The following CFAP92 variants were observed in gnomAD, a reference collection of about 807,000 sequenced individuals.
The protein encoded by CFAP92 is cilia and flagella associated protein 92 (putative).
In CFAP92, 86 loss-of-function variants were observed where a neutral mutation model predicts 106.3. That is an observed-to-expected ratio of 0.81 (90% CI 0.68 to 0.97). The LOEUF is 0.97. Among genes scored for constraint, CFAP92 ranks in the 50% least tolerant of loss-of-function variants. The pLI, the probability that CFAP92 is intolerant of heterozygous loss-of-function variation, is 0.00. For synonymous variants in CFAP92, 477 were observed against 506.4 expected, an observed-to-expected ratio of 0.94 and a Z score of 0.78; for missense variants, 1,204 against 1,283.8, an observed-to-expected ratio of 0.94 and a Z score of 0.95.
intron 9 of CFAP92, among the ~76,000 whole-genome samples, chr3:128,948,693 C>A (rs1429845624): frequency 6.6e-6 from 1 of 151,138 alleles, no homozygotes. Context: ...CCAGGCCTGG[C>A]TAATTTTTGT....
At position 128,978,039 on chromosome 3, in the gene CFAP92, G is replaced by A. The variant is rs762963430; in HGVS notation, c.808+6C>T. Reference sequence around the variant, plus strand: ...CAGCTTGTCCACAAAGGCCTTCTCCGCTCACCTTGCAAAGACTTTGGGTGT... The same window carrying A: ...CAGCTTGTCCACAAAGGCCTTCTCCACTCACCTTGCAAAGACTTTGGGTGT... On this transcript the variant is annotated splice_donor_region_variant and intron_variant, in intron 5 of 15. Transcript: ENST00000645291. The A allele has an allele frequency of 6.4e-5, 103 of 1,613,640 alleles. No individual in the cohort carries two copies. In the Middle Eastern group the frequency reaches 6.6e-4, roughly 10 times the overall value.
intron 1 of CFAP92, among the ~76,000 whole-genome samples, chr3:129,001,395 C>G (rs1309009435): frequency 1.3e-5 from 2 of 152,238 alleles, no homozygotes; most frequent in Non-Finnish European, 2.9e-5. Context: ...ACTGGTGGCG[C>G]TGCCGGGGTC....
At chr3:128,939,207 C>T (rs1357167276) in intron 10 of CFAP92, among the ~76,000 whole-genome samples, 4 of 152,214 alleles carry the variant, frequency 2.6e-5, no homozygotes, top group South Asian at 2.1e-4. Flanking sequence ...GGCGCGATCT[C>T]GGCTCACTAC....
intron 15 of CFAP92, 27 bp downstream of exon 15, chr3:128,915,092 C>G: frequency 6.5e-7 from 1 of 1,531,284 alleles, no homozygotes; most frequent in Non-Finnish European, 8.7e-7. Context: ...ATCAGGAGGC[C>G]CAGCTTGGCA....
chr3:129,013,389 A>C, the CFAP92 span, among the ~76,000 whole-genome samples: 4 of 152,212 alleles, frequency 2.6e-5, no homozygotes, highest in African/African-American at 7.2e-5. Context: ...TTATTTATCA[A>C]CTAAAAATCT....
At chr3:128,973,312 G>A (rs111865398) in intron 7 of CFAP92, among the ~76,000 whole-genome samples, 29 of 152,240 alleles carry the variant, frequency 1.9e-4, no homozygotes, top group African/African-American at 7.0e-4. Context: ...AACCATGCCC[G>A]TGCAGACCGG....
Position 128,978,060 on chromosome 3 carries a change from G to C in CFAP92, c.793C>G (p.Pro265Ala). The change falls in exon 5 of 16, where the codon CCA (proline) becomes GCA (alanine). Residue 265 changes from proline to alanine, a missense_variant. Coordinates refer to ENST00000645291, the MANE Select transcript of CFAP92 (RefSeq NM_001394090.1). ...CTCCGCTCACCTTGCAAAGACTTTGGGTGTTTTTCTGTTTTTTCTTGTTTT... is the reference window on the plus strand; with the variant it reads ...CTCCGCTCACCTTGCAAAGACTTTGCGTGTTTTTCTGTTTTTTCTTGTTTT... ...PGKQEKTEKH[P>A]KSLQGSHQAE... 6.2e-7 allele frequency: 1 copy of C among 1,613,884 alleles called. No homozygotes were observed.
chr3:129,012,463 T>G, the CFAP92 span, among the ~76,000 whole-genome samples: 1 of 152,110 alleles, frequency 6.6e-6, no homozygotes. Context: ...CTGCTCCACA[T>G]AGCTGGGAAC....
intron 2 of CFAP92, among the ~76,000 whole-genome samples, chr3:128,989,565 C>G (rs1468628524): frequency 6.6e-6 from 1 of 152,138 alleles, no homozygotes; most frequent in African/African-American, 2.4e-5. Context: ...GGGCTTCTGC[C>G]AGAGTCCAGA....
At chr3:128,992,914 G>GC (rs1944304067) in intron 2 of CFAP92, 129 bp downstream of exon 2, 8 of 1,077,208 alleles carry the variant, frequency 7.4e-6, no homozygotes, top group Admixed American at 4.2e-5. Flanking sequence ...CTCCTGGCTG[G>GC]CACTGGCCAG....
intron 10 of CFAP92, among the ~76,000 whole-genome samples, chr3:128,943,540 T>TC (rs1161998453): frequency 6.6e-6 from 1 of 151,986 alleles, no homozygotes; most frequent in Admixed American, 6.6e-5. Context: ...TTCATTTCTT[T>TC]TTTTTTTTTC....
At position 128,946,527 on chromosome 3, in the gene CFAP92, G is replaced by C. The variant is rs146890771; in HGVS notation, c.1354-552C>G. Among the ~76,000 whole-genome samples, 345 of 152,290 alleles carry C rather than the reference G, an allele frequency of 2.3e-3. 1 individual carries two copies. The highest frequency in any genetic ancestry group is 7.8e-3 in the African/African-American group (324 of 41,554). On this transcript the variant is annotated intron_variant, in intron 9 of 15. Coordinates refer to ENST00000645291, the MANE Select transcript of CFAP92 (RefSeq NM_001394090.1). ...AAGCTATGCTGAGGCAGAAAGCAGG[G>C]ACATTTGCATGGTTTGACCTTGGTG...
At chr3:128,956,192 A>AAAAATAAAT (rs1559894654) in intron 9 of CFAP92, among the ~76,000 whole-genome samples, 1 of 98,146 alleles carries the variant, frequency 1.0e-5, no homozygotes, top group African/African-American at 8.8e-5. Context: ...ATTAAAAAAA[A>AAAAATAAAT]AAATAAAAAA....
intron 4 of CFAP92, among the ~76,000 whole-genome samples, chr3:128,983,756 G>A (rs905366387): frequency 1.3e-5 from 2 of 152,268 alleles, no homozygotes; most frequent in African/African-American, 4.8e-5. Flanking sequence ...CCACAAGGGA[G>A]AGCCACGTGT....
the CFAP92 span, among the ~76,000 whole-genome samples, chr3:129,008,843 C>T: frequency 6.6e-6 from 1 of 152,220 alleles, no homozygotes; most frequent in Non-Finnish European, 1.5e-5. Flanking sequence ...GGCTCCTGGT[C>T]CCCTCGCAGC....
chr3:128,921,517 T>C (rs865939078), intron 12 of CFAP92, among the ~76,000 whole-genome samples: 2 of 152,258 alleles, frequency 1.3e-5, no homozygotes, highest in South Asian at 2.1e-4. Context: ...GCTAATCTTT[T>C]AGCTCAGGCT....
intron 11 of CFAP92, among the ~76,000 whole-genome samples, chr3:128,933,819 G>C (rs1938673278): frequency 6.6e-6 from 1 of 152,154 alleles, no homozygotes; most frequent in South Asian, 2.1e-4. Context: ...CACCCCACAT[G>C]CCAAAGGTGA....
chr3:128,912,253 A>G (rs890980018), intron 15 of CFAP92, among the ~76,000 whole-genome samples: 6 of 152,264 alleles, frequency 3.9e-5, no homozygotes, highest in Admixed American at 2.6e-4. Context: ...TTACGGAGCA[A>G]GTGCCGGCTC....
intron 2 of CFAP92, among the ~76,000 whole-genome samples, chr3:128,990,846 G>A (rs972665105): frequency 3.3e-5 from 5 of 152,112 alleles, no homozygotes; most frequent in East Asian, 1.9e-4. Context: ...GCAGTGAGCC[G>A]AGATTGTGCC....
Sources: gnomAD v4.1 joint callset for allele counts (sites outside exome capture counted in the v4.1 genomes callset) on GRCh38, gnomAD v4.1.1 for gene constraint, MANE v1.5 for transcripts, NCBI Gene and HGNC (gene_info 2026-07-23, HGNC 2026-07-21) for gene names.